The following ARHGAP18 variants were observed in gnomAD, a reference collection of about 807,000 sequenced individuals.
ARHGAP18 encodes rho GTPase-activating protein 18.
A neutral mutation model predicts 86.2 loss-of-function variants in ARHGAP18; 67 were observed. The ratio of observed to expected loss-of-function variants is 0.78; its 90% CI spans 0.64 to 0.95. The LOEUF (loss-of-function observed/expected upper bound fraction) is 0.95, where lower values mean the gene tolerates loss of function less well. Among genes scored for constraint, ARHGAP18 ranks in the 40% least tolerant of loss-of-function variants. The probability of loss-of-function intolerance (pLI) is 0.00; values close to 1 mark genes in which losing one functional copy is unlikely to be tolerated. For missense variants in ARHGAP18, 691 were observed against 780.4 expected (o/e 0.89, Z 1.37); for synonymous variants, 283 against 280.4 (o/e 1.01, Z -0.09).
intron 1 of ARHGAP18, among the ~76,000 whole-genome samples, chr6:129,665,192 G>A (rs2114522377): frequency 6.6e-6 from 1 of 152,126 alleles, no homozygotes; most frequent in East Asian, 1.9e-4. Context: ...AGTAGAACAA[G>A]GGTTTAATTC....
At chr6:129,689,438 A>T (rs1004436562) in intron 1 of ARHGAP18, among the ~76,000 whole-genome samples, 1 of 152,068 alleles carries the variant, frequency 6.6e-6, no homozygotes, top group African/African-American at 2.4e-5. Context: ...GATTATGGGC[A>T]TGCACCTTCA....
intron 1 of ARHGAP18, among the ~76,000 whole-genome samples, chr6:129,648,451 A>T (rs1053827783): frequency 1.5e-4 from 22 of 151,306 alleles, no homozygotes; most frequent in African/African-American, 4.8e-4. Context: ...GGTGTAAGCC[A>T]CTGTGCCTGT....
chr6:129,654,800 G>GA (rs1453117305), intron 1 of ARHGAP18, among the ~76,000 whole-genome samples: 2 of 152,108 alleles, frequency 1.3e-5, no homozygotes, highest in Non-Finnish European at 2.9e-5. Context: ...ATAAAGAAAT[G>GA]ATCCAAGTTG....
chr6:129,697,163 G>GA (rs1040149295), intron 1 of ARHGAP18, among the ~76,000 whole-genome samples: 1 of 152,188 alleles, frequency 6.6e-6, no homozygotes, highest in African/African-American at 2.4e-5. Flanking sequence ...AAGCCATCCA[G>GA]AAAATGCAGG....
chr6:129,678,510 G>T (rs577465691), intron 1 of ARHGAP18, among the ~76,000 whole-genome samples: 1 of 152,278 alleles, frequency 6.6e-6, no homozygotes, highest in South Asian at 2.1e-4. Context: ...CATGTAAAAG[G>T]TATCTGGGGG....
intron 1 of ARHGAP18, among the ~76,000 whole-genome samples, chr6:129,698,752 T>C (rs963188391): frequency 6.9e-6 from 1 of 144,354 alleles, no homozygotes; most frequent in African/African-American, 2.6e-5. Flanking sequence ...TGGAGTGCAA[T>C]GGCAATCTCG....
chr6:129,633,023 G>A (rs1773251257), intron 4 of ARHGAP18, among the ~76,000 whole-genome samples: 1 of 152,062 alleles, frequency 6.6e-6, no homozygotes. Flanking sequence ...TAACAATTAA[G>A]GACTACATTT....
chr6:129,636,217 G>T (rs761198420), intron 3 of ARHGAP18, among the ~76,000 whole-genome samples: 17 of 152,160 alleles, frequency 1.1e-4, no homozygotes, highest in Non-Finnish European at 2.4e-4. Flanking sequence ...CAAGTGCCTG[G>T]AGCAATTTAA....
At chr6:129,588,513 G>A (rs1446529507) in intron 12 of ARHGAP18, among the ~76,000 whole-genome samples, 1 of 152,246 alleles carries the variant, frequency 6.6e-6, no homozygotes, top group Non-Finnish European at 1.5e-5. Context: ...GCCTTGGGCA[G>A]CTCTGCCCCT....
At chr6:129,681,459 C>G (rs1474309955) in intron 1 of ARHGAP18, among the ~76,000 whole-genome samples, 1 of 152,190 alleles carries the variant, frequency 6.6e-6, no homozygotes, top group African/African-American at 2.4e-5. Context: ...ACATATAAAT[C>G]AATAATTCAA....
At chr6:129,707,161 A>G (rs1178158022) in intron 1 of ARHGAP18, among the ~76,000 whole-genome samples, 2 of 151,952 alleles carry the variant, frequency 1.3e-5, no homozygotes, top group African/African-American at 4.8e-5. Flanking sequence ...TGAACCTGGG[A>G]GGCAGAGGTT....
At chr6:129,603,367 T>A (rs1211232047) in intron 10 of ARHGAP18, among the ~76,000 whole-genome samples, 3 of 152,160 alleles carry the variant, frequency 2.0e-5, no homozygotes, top group African/African-American at 7.2e-5. Context: ...TGTATGTGTG[T>A]ATGTGTGTGT....
chr6:129,696,803 G>T (rs1212088743), intron 1 of ARHGAP18, among the ~76,000 whole-genome samples: 2 of 152,166 alleles, frequency 1.3e-5, no homozygotes, highest in Admixed American at 1.3e-4. Context: ...CTGTATAAGA[G>T]AAGCAAGCAA....
chr6:129,601,174 A>G (rs1308114387), intron 10 of ARHGAP18, among the ~76,000 whole-genome samples: 1 of 152,244 alleles, frequency 6.6e-6, no homozygotes. Context: ...AATGTAAAAC[A>G]TCATACAAAC....
Position 129,615,617 on chromosome 6 carries a change from C to G in ARHGAP18, c.1044+595G>C, listed in dbSNP as rs534997173. On this transcript the variant is annotated intron_variant, in intron 7 of 14. Coordinates refer to ENST00000368149, the MANE Select transcript of ARHGAP18 (RefSeq NM_033515.3). ...CACAACTGAGTTGACCTGTCTTCCT[C>G]ACTGTGCATTCCCTAGCTTTTCTCA... is the stretch of plus-strand genomic sequence containing the variant. 5.0e-4 allele frequency among the ~76,000 whole-genome samples: 76 copies of G among 152,342 alleles called. 1 individual carries two copies. Among genetic ancestry groups the G allele is most frequent in the Admixed American group, 1.5e-3 (23 of 15,306 alleles).
chr6:129,647,257 T>C (rs1347098976), intron 1 of ARHGAP18, among the ~76,000 whole-genome samples: 2 of 152,178 alleles, frequency 1.3e-5, no homozygotes, highest in Admixed American at 6.5e-5. Context: ...ATTGCCTTAA[T>C]GTGCCTTTGT....
intron 1 of ARHGAP18, among the ~76,000 whole-genome samples, chr6:129,694,570 A>T (rs1204501320): frequency 6.6e-6 from 1 of 152,212 alleles, no homozygotes; most frequent in Non-Finnish European, 1.5e-5. Flanking sequence ...AACATACACA[A>T]CAAAACTCCC....
chr6:129,667,031 GA>G (rs1394802160), intron 1 of ARHGAP18, among the ~76,000 whole-genome samples: 4 of 151,934 alleles, frequency 2.6e-5, no homozygotes, highest in African/African-American at 4.8e-5. Flanking sequence ...TATGGAATGA[GA>G]AAAGTAATCA....
At chr6:129,655,317 CAAAAAA>C (rs55681217) in intron 1 of ARHGAP18, among the ~76,000 whole-genome samples, 1,615 of 75,080 alleles carry the variant, frequency 0.022, 12 homozygotes, top group African/African-American at 0.031. Context: ...AAAACTCTCT[CAAAAAA>C]AAAAAAAAAA....
Sources: allele counts gnomAD v4.1 joint callset (sites outside exome capture counted in the v4.1 genomes callset), GRCh38; gene constraint gnomAD v4.1.1; transcripts MANE v1.5; gene names NCBI Gene and HGNC (gene_info 2026-07-23, HGNC 2026-07-21).